Variants in IGF2BP2 observed in about 807,000 individuals in gnomAD.
IGF2BP2 encodes the protein insulin-like growth factor 2 mRNA-binding protein 2.
IGF2BP2 carries 17 observed loss-of-function variants against 75.8 expected under a neutral mutation model. That is an observed-to-expected ratio of 0.22 (90% CI 0.15 to 0.34). The LOEUF (loss-of-function observed/expected upper bound fraction) is 0.34, where lower values mean the gene tolerates loss of function less well. Ranked by LOEUF, IGF2BP2 falls within the 10% of genes least tolerant of loss-of-function variation. The pLI, the probability that IGF2BP2 is intolerant of heterozygous loss-of-function variation, is 1.00. For missense variants in IGF2BP2, 516 were observed against 772.4 expected, an observed-to-expected ratio of 0.67 and a Z score of 3.93; for synonymous variants, 288 against 295.6, an observed-to-expected ratio of 0.97 and a Z score of 0.26.
At chr3:185,724,361 G>A (rs1225493045) in intron 2 of IGF2BP2, 1 of 152,230 alleles carries the variant, frequency 6.6e-6, no homozygotes, top group Non-Finnish European at 1.5e-5. Flanking sequence ...GGAGGTCAGA[G>A]TCTAAATTAC....
rs904706063 is a variant in IGF2BP2 at position 185,757,431 on chromosome 3, A to T, written c.240-59084T>A. ...TGAGTCATATCTGTACCAATTAAGT[A>T]TAGCCCTTGGAGAGACTATATCTCA... On this transcript the variant is annotated intron_variant, in intron 2 of 15. Transcript: ENST00000382199. Among the ~76,000 whole-genome samples the T allele has an allele frequency of 2.0e-5, 3 of 148,612 alleles. No homozygotes were observed. The South Asian group carries it at 6.5e-4, about 32-fold the overall frequency.
intron 2 of IGF2BP2, among the ~76,000 whole-genome samples, chr3:185,810,792 AC>A (rs1578387924): frequency 1.3e-5 from 2 of 151,908 alleles, no homozygotes; most frequent in African/African-American, 2.4e-5. Context: ...ACAACAAAAA[AC>A]AAAAACTAAA....
chr3:185,679,341 T>G (rs1278381577), intron 7 of IGF2BP2, among the ~76,000 whole-genome samples: 1 of 152,176 alleles, frequency 6.6e-6, no homozygotes, highest in African/African-American at 2.4e-5. Flanking sequence ...TATTTTGAAC[T>G]GATAACAACT....
At chr3:185,750,115 G>C (rs560822724) in intron 2 of IGF2BP2, among the ~76,000 whole-genome samples, 1 of 152,124 alleles carries the variant, frequency 6.6e-6, no homozygotes, top group Non-Finnish European at 1.5e-5. Context: ...TGGGGCCTTA[G>C]AATTTGCATT....
chr3:185,692,740 G>A lies in IGF2BP2; in HGVS notation c.363C>T (p.Ala121=), dbSNP rs776875014. 16 of 1,613,904 alleles carry A rather than the reference G, an allele frequency of 9.9e-6. No individual in the cohort carries two copies. Among genetic ancestry groups the A allele is most frequent in the South Asian group, 3.3e-5 (3 of 91,018 alleles). Reference sequence around the variant, plus strand: ...TTGTTGCATATGTGACGTTGACAACGGCGGTTTCTGTGTCTGTGTTGACTA... The same window carrying A: ...TTGTTGCATATGTGACGTTGACAACAGCGGTTTCTGTGTCTGTGTTGACTA... The part of the protein sequence containing the change: ...VEQVNTDTET[A]VVNVTYATRE... Residue 121 remains alanine (A), a synonymous_variant, in exon 5 of 16, where the codon GCC becomes GCT. Transcript: ENST00000382199.
chr3:185,693,225 T>A (rs1722181768), intron 4 of IGF2BP2: 1 of 152,704 alleles, frequency 6.5e-6, no homozygotes, highest in Non-Finnish European at 1.5e-5. Flanking sequence ...ATTACTTCTT[T>A]AGGCTAAAAT....
chr3:185,750,554 G>T (rs1458700400), intron 2 of IGF2BP2, among the ~76,000 whole-genome samples: 1 of 152,126 alleles, frequency 6.6e-6, no homozygotes, highest in Non-Finnish European at 1.5e-5. Flanking sequence ...CCTTGCTAAG[G>T]ACTTCTACAG....
chr3:185,762,548 G>GA (rs1453521067), intron 2 of IGF2BP2, among the ~76,000 whole-genome samples: 1 of 145,758 alleles, frequency 6.9e-6, no homozygotes, highest in African/African-American at 2.5e-5. Flanking sequence ...AAAAAAAAAA[G>GA]AAAAGAAAAA....
In IGF2BP2 at chr3:185,805,599, G is replaced by A. The variant is rs539281542; in HGVS notation, c.239+17554C>T. On this transcript the variant is annotated intron_variant, in intron 2 of 15. Coordinates refer to ENST00000382199, the MANE Select transcript of IGF2BP2 (RefSeq NM_006548.6). ...AAAAAAAGTTGTTGAGGAAAACTGA[G>A]AAAAAAATACATTTCTTTGGGTGCA... 8.6e-5 allele frequency among the ~76,000 whole-genome samples: 13 copies of A among 151,978 alleles called. No homozygotes were observed. In the South Asian group the frequency reaches 2.5e-3, roughly 29 times the overall value.
At chr3:185,812,646 T>C (rs1212616080) in intron 2 of IGF2BP2, among the ~76,000 whole-genome samples, 1 of 152,172 alleles carries the variant, frequency 6.6e-6, no homozygotes, top group Admixed American at 6.5e-5. Flanking sequence ...ACAAACTGTG[T>C]TTTAAAGCAG....
At chr3:185,824,588 A>G (rs766004183) in intron 1 of IGF2BP2, among the ~76,000 whole-genome samples, 195 bp downstream of exon 1, 2 of 122,442 alleles carry the variant, frequency 1.6e-5, no homozygotes, top group Admixed American at 8.6e-5. Context: ...GGCAGAGTCC[A>G]GAGCTGTGGG....
intron 2 of IGF2BP2, chr3:185,722,150 T>C (rs1726664893): frequency 2.3e-6 from 1 of 433,750 alleles, no homozygotes; most frequent in African/African-American, 2.1e-5. Context: ...CCCAGGCTGG[T>C]CTCAAATTCC....
intron 10 of IGF2BP2, among the ~76,000 whole-genome samples, chr3:185,663,950 T>C (rs1027941682): frequency 1.3e-5 from 2 of 152,204 alleles, no homozygotes; most frequent in Admixed American, 1.3e-4. Context: ...TAAATAGTTT[T>C]AGTGTGATGA....
intron 2 of IGF2BP2, among the ~76,000 whole-genome samples, chr3:185,704,885 C>T (rs925967391): frequency 3.9e-5 from 6 of 152,196 alleles, no homozygotes; most frequent in African/African-American, 1.4e-4. Flanking sequence ...ACAATTGCCT[C>T]CGCCTCTATG....
At chr3:185,674,422 G>C (rs1167688531) in intron 9 of IGF2BP2, among the ~76,000 whole-genome samples, 3 of 152,140 alleles carry the variant, frequency 2.0e-5, no homozygotes, top group African/African-American at 4.8e-5. Flanking sequence ...CTGGACTTTT[G>C]CTGATGGCCA....
At chr3:185,806,334 C>T (rs888215678) in intron 2 of IGF2BP2, among the ~76,000 whole-genome samples, 1 of 152,052 alleles carries the variant, frequency 6.6e-6, no homozygotes, top group Non-Finnish European at 1.5e-5. Context: ...AATATATAGA[C>T]TATATAGAAA....
At chr3:185,749,605 T>C (rs1730697812) in intron 2 of IGF2BP2, among the ~76,000 whole-genome samples, 1 of 152,196 alleles carries the variant, frequency 6.6e-6, no homozygotes, top group Non-Finnish European at 1.5e-5. Flanking sequence ...TGACATTTCC[T>C]CCCAGGTGCA....
At chr3:185,824,760 AG>A in intron 1 of IGF2BP2, 22 bp downstream of exon 1, 2 of 1,275,212 alleles carry the variant, frequency 1.6e-6, no homozygotes, top group Admixed American at 3.1e-5. Context: ...AGGCGGGGGG[AG>A]GGGGCCGCGC....
intron 7 of IGF2BP2, among the ~76,000 whole-genome samples, chr3:185,683,562 C>T (rs567324862): frequency 6.6e-6 from 1 of 152,146 alleles, no homozygotes; most frequent in South Asian, 2.1e-4. Context: ...GTGTCCACCC[C>T]AACACCTGGC....
Sources: allele counts gnomAD v4.1 joint callset (sites outside exome capture counted in the v4.1 genomes callset), GRCh38; gene constraint gnomAD v4.1.1; transcripts MANE v1.5; gene names NCBI Gene and HGNC (gene_info 2026-07-23, HGNC 2026-07-21).